STXBP4: variants seen among roughly 807,000 people sequenced by gnomAD.
STXBP4 encodes syntaxin binding protein 4.
In STXBP4, 55 loss-of-function variants were observed where a neutral mutation model predicts 76.1. That is an observed-to-expected ratio of 0.72 (90% CI 0.58 to 0.91). The LOEUF is 0.91. Ranked by LOEUF, STXBP4 falls within the 40% of genes least tolerant of loss-of-function variation. STXBP4 has a pLI of 0.00. For synonymous variants in STXBP4, 201 were observed against 220.2 expected (o/e 0.91, Z 0.77); for missense variants, 618 against 636.9 (o/e 0.97, Z 0.32).
At chr17:55,001,430 G>A (rs938103860) in intron 7 of STXBP4, among the ~76,000 whole-genome samples, 1 of 151,972 alleles carries the variant, frequency 6.6e-6, no homozygotes, top group Non-Finnish European at 1.5e-5. Flanking sequence ...TAAGCCAAAT[G>A]TAAAATAAAG....
chr17:55,072,850 G>A (rs778466399), intron 12 of STXBP4, 50 bp from the exon 13 acceptor site: 11 of 1,499,558 alleles, frequency 7.3e-6, no homozygotes, highest in Non-Finnish European at 9.9e-6. Context: ...ATAAACCTCG[G>A]AACTATTTCT....
At chr17:55,185,024 C>T in the STXBP4 span, among the ~76,000 whole-genome samples, 1 of 152,072 alleles carries the variant, frequency 6.6e-6, no homozygotes, top group Non-Finnish European at 1.5e-5. Context: ...GCGCATGCCA[C>T]CAGGCCAGGA....
chr17:55,141,382 C>G lies in STXBP4; in HGVS notation c.1547+15C>G. 1 of 1,604,292 alleles carries G rather than the reference C, an allele frequency of 6.2e-7. No individual in the cohort carries two copies. On this transcript the variant is annotated intron_variant, in intron 17 of 17. Transcript: ENST00000376352. ...TACTTCATCAAGTAAGTACAAGCATCTCAACCAAGTAAGCAATTTTCTTCA... is the reference window on the plus strand; with the variant it reads ...TACTTCATCAAGTAAGTACAAGCATGTCAACCAAGTAAGCAATTTTCTTCA...
In STXBP4 at chr17:54,984,534, G is replaced by A. The variant is rs187384409; in HGVS notation, c.-156-1080G>A. 2.7e-3 allele frequency among the ~76,000 whole-genome samples: 405 copies of A among 151,576 alleles called. 2 individuals are homozygous for A. Among genetic ancestry groups the A allele is most frequent in the African/African-American group, 9.5e-3 (392 of 41,320 alleles). ...TTTTTTTTGTATTTTTAGTAGAGAC[G>A]AGATTTCACCGTGTTAGCCAGGATG... On this transcript the variant is annotated intron_variant, in intron 1 of 17. Transcript: ENST00000376352.
intron 17 of STXBP4, among the ~76,000 whole-genome samples, chr17:55,154,783 A>G (rs1296600329): frequency 1.3e-5 from 2 of 152,166 alleles, no homozygotes; most frequent in Non-Finnish European, 2.9e-5. Flanking sequence ...TCTAGTGACA[A>G]CAATTTTTTT....
At chr17:55,069,122 G>A (rs1363557362) in intron 12 of STXBP4, among the ~76,000 whole-genome samples, 2 of 147,274 alleles carry the variant, frequency 1.4e-5, no homozygotes, top group South Asian at 2.1e-4. Context: ...TAAAGGGCCA[G>A]TGTGAGTTGA....
intron 16 of STXBP4, among the ~76,000 whole-genome samples, chr17:55,133,004 C>T (rs2145127587): frequency 6.6e-6 from 1 of 151,758 alleles, no homozygotes; most frequent in African/African-American, 2.4e-5. Context: ...GAAATGAAGT[C>T]AGAGAAGTTG....
chr17:55,140,818 T>A (rs1392711047), intron 16 of STXBP4, among the ~76,000 whole-genome samples: 2 of 152,182 alleles, frequency 1.3e-5, no homozygotes, highest in African/African-American at 2.4e-5. Flanking sequence ...TGCTAAACTT[T>A]CAAACTTAAT....
At chr17:55,087,510 C>T (rs1342086434) in intron 16 of STXBP4, among the ~76,000 whole-genome samples, 1 of 152,106 alleles carries the variant, frequency 6.6e-6, no homozygotes, top group Admixed American at 6.6e-5. Context: ...AGAGACTATC[C>T]TTTCCCAATG....
chr17:55,087,490 C>T (rs558295844), intron 16 of STXBP4, among the ~76,000 whole-genome samples: 3 of 152,064 alleles, frequency 2.0e-5, no homozygotes, highest in South Asian at 2.1e-4. Flanking sequence ...TTTCCAGTAC[C>T]GTTTGTTGAA....
At chr17:55,181,185 T>C in the STXBP4 span, among the ~76,000 whole-genome samples, 1 of 152,368 alleles carries the variant, frequency 6.6e-6, no homozygotes, top group African/African-American at 2.4e-5. Context: ...CTTTGCAGAC[T>C]TATCTAGTTT....
At chr17:55,058,472 T>A (rs1280602090) in intron 12 of STXBP4, among the ~76,000 whole-genome samples, 1 of 152,190 alleles carries the variant, frequency 6.6e-6, no homozygotes, top group Non-Finnish European at 1.5e-5. Context: ...TTTTATTATC[T>A]ACCTGAAACT....
At chr17:55,053,784 G>A (rs539672270) in intron 12 of STXBP4, among the ~76,000 whole-genome samples, 9 of 151,856 alleles carry the variant, frequency 5.9e-5, no homozygotes, top group Admixed American at 2.6e-4. Context: ...ACATTTTAGC[G>A]TTTGCATCCT....
chr17:55,194,781 TTATA>T, the STXBP4 span, among the ~76,000 whole-genome samples: 1 of 152,138 alleles, frequency 6.6e-6, no homozygotes, highest in Admixed American at 6.6e-5. Flanking sequence ...CTAGTTCACT[TTATA>T]TATCACTGGT....
intron 8 of STXBP4, among the ~76,000 whole-genome samples, chr17:55,018,111 A>G (rs2078240552): frequency 6.6e-6 from 1 of 152,044 alleles, no homozygotes; most frequent in African/African-American, 2.4e-5. Flanking sequence ...ATTCCAAGGA[A>G]TGGAATCTTG....
intron 12 of STXBP4, among the ~76,000 whole-genome samples, chr17:55,050,613 A>C (rs1207880255): frequency 6.6e-6 from 1 of 152,176 alleles, no homozygotes; most frequent in East Asian, 1.9e-4. Flanking sequence ...AGAGAAGCAG[A>C]ATATTAACAT....
At chr17:55,027,915 G>A (rs191557074) in intron 8 of STXBP4, among the ~76,000 whole-genome samples, 1 of 151,984 alleles carries the variant, frequency 6.6e-6, no homozygotes, top group East Asian at 1.9e-4. Flanking sequence ...TAAAACTCAT[G>A]TTTTTTTACA....
At chr17:55,062,047 C>T (rs1399085397) in intron 12 of STXBP4, among the ~76,000 whole-genome samples, 1 of 151,762 alleles carries the variant, frequency 6.6e-6, no homozygotes, top group Non-Finnish European at 1.5e-5. Context: ...TCAGCCTGGG[C>T]AACCAATCAT....
chr17:55,029,077 A>T (rs936047749), intron 8 of STXBP4, among the ~76,000 whole-genome samples: 1 of 152,076 alleles, frequency 6.6e-6, no homozygotes, highest in South Asian at 2.1e-4. Flanking sequence ...TGGAGTAGTT[A>T]TAAAAGCCTG....
Sources: gnomAD v4.1 joint callset for allele counts (sites outside exome capture counted in the v4.1 genomes callset) on GRCh38, gnomAD v4.1.1 for gene constraint, MANE v1.5 for transcripts, NCBI Gene and HGNC (gene_info 2026-07-23, HGNC 2026-07-21) for gene names.